Variants in FILIP1L observed in about 807,000 individuals in gnomAD.
The protein encoded by FILIP1L is filamin A interacting protein 1 like, also known as filamin A-interacting protein 1-like.
A neutral mutation model predicts 96.6 loss-of-function variants in FILIP1L; 55 were observed. The ratio of observed to expected loss-of-function variants is 0.57; its 90% CI spans 0.46 to 0.71. The LOEUF is 0.71. Ranked by LOEUF, FILIP1L falls within the 30% of genes least tolerant of loss-of-function variation. The probability of loss-of-function intolerance (pLI) is 0.00; values close to 1 mark genes in which losing one functional copy is unlikely to be tolerated. For missense variants in FILIP1L, 1,304 were observed against 1,321.2 expected, an observed-to-expected ratio of 0.99 and a Z score of 0.20; for synonymous variants, 467 against 473.9, an observed-to-expected ratio of 0.99 and a Z score of 0.19.
chr3:100,083,268 A>G (rs563257280), intron 1 of FILIP1L, among the ~76,000 whole-genome samples: 28 of 152,222 alleles, frequency 1.8e-4, no homozygotes, highest in Non-Finnish European at 3.5e-4. Flanking sequence ...TGCGCCTGTA[A>G]TTATTTGTTT....
At chr3:100,004,933 T>C (rs1035933863) in intron 1 of FILIP1L, among the ~76,000 whole-genome samples, 4 of 152,180 alleles carry the variant, frequency 2.6e-5, no homozygotes, top group Non-Finnish European at 4.4e-5. Flanking sequence ...CCATTAGATA[T>C]TGGATTTCAC....
intron 4 of FILIP1L, chr3:99,876,103 C>T (rs1316190514): frequency 1.1e-5 from 11 of 986,338 alleles, no homozygotes; most frequent in African/African-American, 1.7e-5. Context: ...CGGGCGGGGG[C>T]CGGGCCGGGG....
At chr3:100,061,514 C>T (rs540196204) in intron 1 of FILIP1L, among the ~76,000 whole-genome samples, 1 of 152,238 alleles carries the variant, frequency 6.6e-6, no homozygotes, top group South Asian at 2.1e-4. Flanking sequence ...TTATTAATAC[C>T]TCCTGCAGAG....
chr3:99,918,874 A>G (rs1707038047), intron 4 of FILIP1L, among the ~76,000 whole-genome samples: 1 of 152,338 alleles, frequency 6.6e-6, no homozygotes, highest in East Asian at 1.9e-4. Flanking sequence ...ACAAAGGTCA[A>G]ATGGAGATCT....
At chr3:100,097,314 T>C (rs1425554236) in intron 1 of FILIP1L, among the ~76,000 whole-genome samples, 1 of 152,224 alleles carries the variant, frequency 6.6e-6, no homozygotes, top group Non-Finnish European at 1.5e-5. Flanking sequence ...GGAACCACTG[T>C]TGTATTAGAT....
intron 1 of FILIP1L, among the ~76,000 whole-genome samples, chr3:99,983,422 A>ATATATATATATATATATATATATG (rs1559713456): frequency 1.2e-5 from 1 of 86,936 alleles, no homozygotes; most frequent in Non-Finnish European, 2.2e-5. Context: ...ATATATATGT[A>ATATATATATATATATATATATATG]TGTATGTATG....
At chr3:100,024,531 G>T (rs2064883144) in intron 1 of FILIP1L, among the ~76,000 whole-genome samples, 1 of 152,064 alleles carries the variant, frequency 6.6e-6, no homozygotes, top group Non-Finnish European at 1.5e-5. Flanking sequence ...TTCATAGGAA[G>T]CAACTGTTTT....
chr3:100,020,914 T>A (rs1576646714), intron 1 of FILIP1L, among the ~76,000 whole-genome samples: 1 of 152,056 alleles, frequency 6.6e-6, no homozygotes. Context: ...ACTACAGGCA[T>A]GCGCCATCAT....
chr3:100,024,376 C>T (rs906802330), intron 1 of FILIP1L, among the ~76,000 whole-genome samples: 1 of 152,074 alleles, frequency 6.6e-6, no homozygotes, highest in African/African-American at 2.4e-5. Context: ...ATTTTGGCCC[C>T]TATAGAGCAG....
At chr3:100,069,016 C>G (rs141272460) in intron 1 of FILIP1L, among the ~76,000 whole-genome samples, 3 of 152,160 alleles carry the variant, frequency 2.0e-5, no homozygotes, top group African/African-American at 7.2e-5. Context: ...CCAGATAGAA[C>G]GTTAGCAAGT....
chr3:99,861,705 G>A (rs1944264669), intron 4 of FILIP1L, among the ~76,000 whole-genome samples: 1 of 152,152 alleles, frequency 6.6e-6, no homozygotes, highest in South Asian at 2.1e-4. Context: ...GCAGAGGGCA[G>A]GTGGAATGAC....
chr3:99,976,945 T>C (rs1708990755), intron 1 of FILIP1L, among the ~76,000 whole-genome samples: 1 of 152,326 alleles, frequency 6.6e-6, no homozygotes, highest in Non-Finnish European at 1.5e-5. Flanking sequence ...GTGAGTGAGT[T>C]TGAACTCCCT....
intron 5 of FILIP1L, among the ~76,000 whole-genome samples, chr3:99,834,215 AG>A (rs2107490837): frequency 6.6e-6 from 1 of 152,346 alleles, no homozygotes; most frequent in African/African-American, 2.4e-5. Flanking sequence ...TATACAGGAA[AG>A]GGTCTTTCAA....
In FILIP1L at chr3:100,074,675, A is replaced by ATTTTTTT. The variant is rs555819875; in HGVS notation, c.-11+39371_-11+39377dup. ...ATTTTCTATGCATGTGCAACATTTG[A>ATTTTTTT]TTTTTTTTTTTTTTTTTTTTTTTTT... is the stretch of plus-strand genomic sequence containing the variant. On this transcript the variant is annotated intron_variant, in intron 1 of 5. Transcript: ENST00000477258. Among the ~76,000 whole-genome samples, 56 of 34,798 alleles carry ATTTTTTT rather than the reference A, an allele frequency of 1.6e-3. 19 individuals carry two copies. Among genetic ancestry groups the ATTTTTTT allele is most frequent in the African/African-American group, 1.8e-3 (15 of 8,454 alleles). The allele number at this position is 34,798 out of a possible 152,430, so 22.8% of individuals were successfully genotyped here. A position where few individuals can be genotyped will look rare whatever the true frequency, so the allele number is the denominator to read the frequency against.
chr3:99,911,361 A>G (rs1215872867), intron 4 of FILIP1L, among the ~76,000 whole-genome samples: 1 of 150,212 alleles, frequency 6.7e-6, no homozygotes, highest in Non-Finnish European at 1.5e-5. Context: ...AATAATAAGT[A>G]TTATTATTGT....
At chr3:99,866,538 T>G (rs552292136) in intron 4 of FILIP1L, among the ~76,000 whole-genome samples, 1 of 152,328 alleles carries the variant, frequency 6.6e-6, no homozygotes, top group East Asian at 1.9e-4. Flanking sequence ...AGGACTTTTT[T>G]GGGTCCTCGA....
intron 4 of FILIP1L, among the ~76,000 whole-genome samples, chr3:99,871,855 T>C (rs1326480121): frequency 6.6e-6 from 1 of 152,190 alleles, no homozygotes; most frequent in South Asian, 2.1e-4. Context: ...ACACTTATTT[T>C]TTATTTTCTC....
intron 1 of FILIP1L, among the ~76,000 whole-genome samples, chr3:99,931,955 CAT>C (rs540963099): frequency 4.1e-4 from 63 of 152,304 alleles, no homozygotes; most frequent in South Asian, 3.1e-3. Context: ...CCCTACAAAT[CAT>C]GAAACTTTCA....
intron 1 of FILIP1L, among the ~76,000 whole-genome samples, chr3:100,096,298 G>T (rs1260578155): frequency 6.6e-6 from 1 of 151,380 alleles, no homozygotes; most frequent in Non-Finnish European, 1.5e-5. Flanking sequence ...ATAGCAAAGA[G>T]AGATCTACAC....
Sources: allele counts gnomAD v4.1 joint callset (sites outside exome capture counted in the v4.1 genomes callset), GRCh38; gene constraint gnomAD v4.1.1; transcripts MANE v1.5; gene names NCBI Gene and HGNC (gene_info 2026-07-23, HGNC 2026-07-21).